Variants in CFAP141 observed in about 807,000 individuals in gnomAD.
The protein encoded by CFAP141 is cilia and flagella associated protein 141.
the CFAP141 span, chr1:154,206,257 C>T: frequency 3.7e-6 from 6 of 1,613,346 alleles, no homozygotes; most frequent in East Asian, 1.3e-4. Flanking sequence ...CCCAGCCCCT[C>T]CTTCCAACTC....
At chr1:154,203,315 A>G in the CFAP141 span, among the ~76,000 whole-genome samples, 7 of 140,216 alleles carry the variant, frequency 5.0e-5, no homozygotes, top group South Asian at 1.6e-3. Flanking sequence ...GCTGGAGTGC[A>G]GTGGTGCGAT....
the CFAP141 span, among the ~76,000 whole-genome samples, chr1:154,201,833 C>G: frequency 6.6e-6 from 1 of 151,940 alleles, no homozygotes; most frequent in African/African-American, 2.4e-5. Context: ...TGCAATGGCC[C>G]GATCTTGGCT....
At chr1:154,200,415 C>A in the CFAP141 span, 1 of 1,606,470 alleles carries the variant, frequency 6.2e-7, no homozygotes, top group Non-Finnish European at 8.5e-7. Flanking sequence ...CAAAGGCACA[C>A]AGCAGTAGTG....
chr1:154,199,190 C>T, the CFAP141 span, among the ~76,000 whole-genome samples: 1 of 144,666 alleles, frequency 6.9e-6, no homozygotes, highest in African/African-American at 2.5e-5. Context: ...CATAGTAAAT[C>T]CCACTATGAC....
At chr1:154,203,325 T>C in the CFAP141 span, among the ~76,000 whole-genome samples, 1 of 146,730 alleles carries the variant, frequency 6.8e-6, no homozygotes, top group Non-Finnish European at 1.5e-5. Flanking sequence ...AGTGGTGCGA[T>C]CTCTGGTTAC....
the CFAP141 span, among the ~76,000 whole-genome samples, chr1:154,203,208 TA>T: frequency 3.0e-5 from 2 of 66,402 alleles, no homozygotes; most frequent in African/African-American, 1.3e-4. Context: ...TATATATATA[TA>T]TATATATATA....
the CFAP141 span, among the ~76,000 whole-genome samples, chr1:154,201,653 G>A: frequency 6.6e-6 from 1 of 152,024 alleles, no homozygotes; most frequent in Non-Finnish European, 1.5e-5. Context: ...ATCCCAAAGT[G>A]CTGGGATTAC....
chr1:154,205,044 G>A, the CFAP141 span, among the ~76,000 whole-genome samples: 7 of 150,978 alleles, frequency 4.6e-5, no homozygotes, highest in Admixed American at 3.3e-4. Context: ...ACCATGCCTG[G>A]CTAACTTCTT....
the CFAP141 span, chr1:154,199,357 G>T: frequency 9.7e-7 from 1 of 1,032,336 alleles, no homozygotes; most frequent in Non-Finnish European, 1.4e-6. Flanking sequence ...GGAGGTTCAA[G>T]GTGGTAGAGG....
At chr1:154,202,564 G>C in the CFAP141 span, among the ~76,000 whole-genome samples, 28 of 152,182 alleles carry the variant, frequency 1.8e-4, no homozygotes, top group Admixed American at 1.2e-3. Context: ...ACTTTGGGAG[G>C]CCCAGGCGGG....
the CFAP141 span, chr1:154,200,612 G>T: frequency 6.2e-7 from 1 of 1,613,278 alleles, no homozygotes; most frequent in Non-Finnish European, 8.5e-7. Context: ...AGAGGTGGGG[G>T]TTGAATGGGT....
the CFAP141 span, among the ~76,000 whole-genome samples, chr1:154,202,784 G>T: frequency 4.0e-5 from 6 of 150,114 alleles, no homozygotes; most frequent in Non-Finnish European, 7.4e-5. Context: ...CTGGGCGACA[G>T]AGCAAGACTC....
the CFAP141 span, among the ~76,000 whole-genome samples, chr1:154,206,044 G>A: frequency 6.6e-6 from 1 of 152,152 alleles, no homozygotes; most frequent in Admixed American, 6.5e-5. Context: ...GGGGGAAATA[G>A]GGAGAGGAAA....
the CFAP141 span, among the ~76,000 whole-genome samples, chr1:154,206,018 A>G: frequency 1.3e-5 from 2 of 152,096 alleles, no homozygotes; most frequent in Admixed American, 6.6e-5. Flanking sequence ...GACCTTTTTG[A>G]GAAAGCAATT....
chr1:154,203,994 G>A, the CFAP141 span, among the ~76,000 whole-genome samples: 1 of 152,110 alleles, frequency 6.6e-6, no homozygotes, highest in Non-Finnish European at 1.5e-5. Context: ...AGGAGGCTGA[G>A]GCAGGAGAAT....
chr1:154,203,800 C>T, the CFAP141 span, among the ~76,000 whole-genome samples: 2 of 150,672 alleles, frequency 1.3e-5, no homozygotes, highest in East Asian at 4.1e-4. Flanking sequence ...TCAGGCCGGG[C>T]GTGGTGGCTC....
the CFAP141 span, among the ~76,000 whole-genome samples, chr1:154,202,891 C>A: frequency 1.3e-5 from 2 of 151,662 alleles, no homozygotes; most frequent in African/African-American, 4.8e-5. Context: ...GAGGCTGAGG[C>A]GGGCAGATCA....
the CFAP141 span, chr1:154,199,313 T>C: frequency 2.9e-6 from 2 of 685,926 alleles, no homozygotes; most frequent in Non-Finnish European, 5.1e-6. Flanking sequence ...CTTAAGTCCC[T>C]GACAGATAGC....
the CFAP141 span, among the ~76,000 whole-genome samples, chr1:154,202,714 T>C: frequency 6.6e-6 from 1 of 151,678 alleles, no homozygotes; most frequent in Non-Finnish European, 1.5e-5. Context: ...GGCAGAAGAA[T>C]GGCGTGAACC....
Sources: allele counts gnomAD v4.1 joint callset (sites outside exome capture counted in the v4.1 genomes callset), GRCh38; gene constraint gnomAD v4.1.1; transcripts MANE v1.5; gene names NCBI Gene and HGNC (gene_info 2026-07-23, HGNC 2026-07-21).